WWOX: variants seen among roughly 807,000 people sequenced by gnomAD.
WWOX encodes WW domain-containing oxidoreductase.
WWOX carries 69 observed loss-of-function variants against 46.2 expected under a neutral mutation model. The ratio of observed to expected loss-of-function variants is 1.49; its 90% confidence interval spans 1.23 to 1.82. WWOX has a LOEUF of 1.82. WWOX is among the 40% of genes most tolerant of loss of function. The pLI is 0.00. For missense variants in WWOX, 919 were observed against 542.6 expected (o/e 1.69, Z -6.89); for synonymous variants, 359 against 202.6 (o/e 1.77, Z -6.56).
At chr16:78,359,313 G>C (rs752425292) in intron 5 of WWOX, among the ~76,000 whole-genome samples, 2 of 152,062 alleles carry the variant, frequency 1.3e-5, no homozygotes, top group Non-Finnish European at 2.9e-5. Flanking sequence ...AAAAGTTTTA[G>C]CATTTTACAT....
At chr16:79,044,564 C>G (rs943507149) in intron 8 of WWOX, among the ~76,000 whole-genome samples, 2 of 152,204 alleles carry the variant, frequency 1.3e-5, no homozygotes, top group Non-Finnish European at 2.9e-5. Flanking sequence ...TTGTAAGCTT[C>G]TTGAGACTTC....
At chr16:79,090,342 C>T (rs139777297) in intron 8 of WWOX, among the ~76,000 whole-genome samples, 37 of 149,794 alleles carry the variant, frequency 2.5e-4, no homozygotes, top group African/African-American at 9.1e-4. Flanking sequence ...GCATTGGTGT[C>T]TAAAGCCATG....
At chr16:78,394,745 A>G (rs1238032342) in intron 6 of WWOX, among the ~76,000 whole-genome samples, 4 of 152,220 alleles carry the variant, frequency 2.6e-5, no homozygotes, top group Non-Finnish European at 5.9e-5. Flanking sequence ...ATGGATGATC[A>G]TGGCAGTGTT....
At chr16:78,500,335 C>T (rs145903200) in intron 8 of WWOX, among the ~76,000 whole-genome samples, 4 of 152,314 alleles carry the variant, frequency 2.6e-5, no homozygotes, top group East Asian at 1.9e-4. Context: ...TTCCCGCTGC[C>T]ATTCAGTTTT....
At position 78,726,188 on chromosome 16, in the gene WWOX, CT is replaced by C. The variant is rs773827035; in HGVS notation, c.1056+293439del. On this transcript the variant is annotated intron_variant, in intron 8 of 8. Coordinates refer to ENST00000566780, the MANE Select transcript of WWOX (RefSeq NM_016373.4). ...GTGTCTCTCTTTTCTCTCTCTCTCT[CT>C]TTCCTTCCTTCCTTCCTTCTTTTCT... Among the ~76,000 whole-genome samples the C allele has an allele frequency of 4.1e-5, 6 of 146,616 alleles. No homozygotes were observed. The Admixed American group carries it at 4.2e-4, about 10-fold the overall frequency.
In WWOX at chr16:78,380,045, T is replaced by G. The variant is rs575073089; in HGVS notation, c.517-6815T>G. Among the ~76,000 whole-genome samples, 3 of 152,280 alleles carry G rather than the reference T, an allele frequency of 2.0e-5. No individual in the cohort carries two copies. In the South Asian group the frequency reaches 6.2e-4, roughly 32 times the overall value. ...AATGTTTTCTCCCTTATTTGGGACA[T>G]GGTGTATTGAAGGTGTCTGTTAACT... On this transcript the variant is annotated intron_variant, in intron 5 of 8. Transcript: ENST00000566780.
At chr16:79,205,870 C>T (rs183551708) in intron 8 of WWOX, 2 of 152,102 alleles carry the variant, frequency 1.3e-5, no homozygotes, top group African/African-American at 4.8e-5. Context: ...AGAGCCCGCA[C>T]CTACATGCGT....
chr16:78,871,682 C>G (rs1230781500), intron 8 of WWOX, among the ~76,000 whole-genome samples: 1 of 152,216 alleles, frequency 6.6e-6, no homozygotes, highest in Non-Finnish European at 1.5e-5. Context: ...TCACTGCAAC[C>G]TCTGCCTTCT....
At chr16:78,838,167 C>A (rs972857062) in intron 8 of WWOX, among the ~76,000 whole-genome samples, 1 of 152,074 alleles carries the variant, frequency 6.6e-6, no homozygotes, top group African/African-American at 2.4e-5. Context: ...TGGAAGGTAG[C>A]TTTTCAGGTT....
At chr16:79,045,781 T>G (rs1259927612) in intron 8 of WWOX, among the ~76,000 whole-genome samples, 1 of 4,188 alleles carries the variant, frequency 2.4e-4, no homozygotes, top group Non-Finnish European at 4.6e-4. Flanking sequence ...TTTCTTTTCC[T>G]TTTTTTTTTT....
intron 5 of WWOX, among the ~76,000 whole-genome samples, chr16:78,184,160 G>A (rs1037840553): frequency 6.6e-6 from 1 of 152,102 alleles, no homozygotes; most frequent in Non-Finnish European, 1.5e-5. Context: ...TAACATGCTC[G>A]GTGCTTCTCT....
intron 8 of WWOX, among the ~76,000 whole-genome samples, chr16:78,734,323 A>G (rs1016514498): frequency 1.3e-5 from 2 of 152,134 alleles, no homozygotes; most frequent in Middle Eastern, 3.2e-3. Context: ...GTAGCCTCAG[A>G]TATAAGCTTA....
intron 8 of WWOX, among the ~76,000 whole-genome samples, chr16:78,790,312 T>C (rs1597613890): frequency 6.6e-6 from 1 of 151,936 alleles, no homozygotes; most frequent in South Asian, 2.1e-4. Context: ...TTTCTGTATT[T>C]TCAGTAGAGA....
In WWOX at chr16:78,432,545, A is replaced by C. The variant is rs759599384; in HGVS notation, c.849A>C (p.Thr283=). 1 of 1,614,158 alleles carries C rather than the reference A, an allele frequency of 6.2e-7. No homozygotes were observed. Residue 283 remains threonine, a synonymous_variant, in exon 8 of 9, where the codon ACA becomes ACC. Transcript: ENST00000566780. Reference sequence around the variant, plus strand: ...TGGACTTCAGTCGCCTCTCTCCAACAAAAAACGACTATTGGGCGATGCTGG... The same window carrying C: ...TGGACTTCAGTCGCCTCTCTCCAACCAAAAACGACTATTGGGCGATGCTGG... The part of the protein sequence containing the change: ...GKLDFSRLSP[T]KNDYWAMLAY...
intron 8 of WWOX, among the ~76,000 whole-genome samples, chr16:78,955,118 A>C (rs955232464): frequency 6.6e-6 from 1 of 152,134 alleles, no homozygotes; most frequent in Non-Finnish European, 1.5e-5. Context: ...GTTGAAGACT[A>C]TATTGAATTT....
At chr16:78,381,046 C>A (rs1379914777) in intron 5 of WWOX, among the ~76,000 whole-genome samples, 3 of 152,156 alleles carry the variant, frequency 2.0e-5, no homozygotes, top group Non-Finnish European at 4.4e-5. Context: ...CAGTAGCTTT[C>A]CTGAAGTCAA....
intron 8 of WWOX, among the ~76,000 whole-genome samples, chr16:78,554,934 G>A (rs995018906): frequency 1.1e-4 from 16 of 152,056 alleles, no homozygotes; most frequent in African/African-American, 3.9e-4. Flanking sequence ...TAATTTTGCT[G>A]CATAGGCGGC....
chr16:78,152,059 G>A (rs964595164), intron 4 of WWOX, among the ~76,000 whole-genome samples: 9 of 152,044 alleles, frequency 5.9e-5, no homozygotes, highest in African/African-American at 1.7e-4. Context: ...GTGTGGTGGC[G>A]GGCGCCTGTA....
At chr16:78,410,079 T>G (rs2082642534) in intron 6 of WWOX, among the ~76,000 whole-genome samples, 1 of 152,170 alleles carries the variant, frequency 6.6e-6, no homozygotes, top group African/African-American at 2.4e-5. Flanking sequence ...CCTTTGGTGA[T>G]AAGTGAGTTC....
Sources: gnomAD v4.1 joint callset for allele counts (sites outside exome capture counted in the v4.1 genomes callset) on GRCh38, gnomAD v4.1.1 for gene constraint, MANE v1.5 for transcripts, NCBI Gene and HGNC (gene_info 2026-07-23, HGNC 2026-07-21) for gene names.